ROBO2: variants seen among roughly 807,000 people sequenced by gnomAD.
The protein encoded by ROBO2 is roundabout guidance receptor 2.
Under a neutral mutation model 160.8 loss-of-function variants are expected in ROBO2, and 53 were observed. The ratio of observed to expected loss-of-function variants is 0.33; its 90% CI spans 0.26 to 0.41. The LOEUF (loss-of-function observed/expected upper bound fraction) is 0.41, where lower values mean the gene tolerates loss of function less well. Ranked by LOEUF, ROBO2 falls within the 10% of genes least tolerant of loss-of-function variation. The pLI is 1.00. For missense variants in ROBO2, 1,577 were observed against 1,722.4 expected, an observed-to-expected ratio of 0.92 and a Z score of 1.49; for synonymous variants, 664 against 611.7, an observed-to-expected ratio of 1.09 and a Z score of -1.26.
At chr3:77,166,848 C>G (rs777127897) in intron 2 of ROBO2, among the ~76,000 whole-genome samples, 1 of 152,176 alleles carries the variant, frequency 6.6e-6, no homozygotes, top group Non-Finnish European at 1.5e-5. Flanking sequence ...CGTGAGCCCC[C>G]GCGCCCGGCC....
At chr3:77,284,721 ACT>A (rs2060468345) in intron 2 of ROBO2, among the ~76,000 whole-genome samples, 1 of 152,038 alleles carries the variant, frequency 6.6e-6, no homozygotes, top group African/African-American at 2.4e-5. Context: ...TAATGTAAAC[ACT>A]CTAATCCTCT....
chr3:76,083,610 A>C (rs956847323), intron 2 of ROBO2, among the ~76,000 whole-genome samples: 1 of 152,138 alleles, frequency 6.6e-6, no homozygotes, highest in Non-Finnish European at 1.5e-5. Flanking sequence ...TCAACATCTG[A>C]GTTTAGATTC....
chr3:76,072,789 C>T (rs1361491817), intron 2 of ROBO2, among the ~76,000 whole-genome samples: 1 of 152,092 alleles, frequency 6.6e-6, no homozygotes, highest in Non-Finnish European at 1.5e-5. Flanking sequence ...TGGCCTCAAG[C>T]GATGTTCACG....
intron 2 of ROBO2, among the ~76,000 whole-genome samples, chr3:76,451,136 G>A (rs930013016): frequency 1.4e-4 from 21 of 152,094 alleles, no homozygotes; most frequent in African/African-American, 4.3e-4. Context: ...ATCTGAAGGC[G>A]ACACGTTACT....
At chr3:76,382,422 A>AC (rs767824361) in intron 2 of ROBO2, among the ~76,000 whole-genome samples, 17 of 152,130 alleles carry the variant, frequency 1.1e-4, no homozygotes, top group Non-Finnish European at 1.9e-4. Flanking sequence ...CCCCGTCTCT[A>AC]CTAAAAATAC....
intron 2 of ROBO2, among the ~76,000 whole-genome samples, chr3:77,244,421 C>T (rs62249671): frequency 0.022 from 3,399 of 152,208 alleles, 51 homozygotes; most frequent in Middle Eastern, 0.051. Flanking sequence ...GATAGGAAAA[C>T]GTTTAGCATG....
At chr3:75,991,060 AG>A (rs1429847407) in intron 2 of ROBO2, among the ~76,000 whole-genome samples, 1 of 152,194 alleles carries the variant, frequency 6.6e-6, no homozygotes, top group African/African-American at 2.4e-5. Context: ...CCTGAATTAT[AG>A]TACCTGCTTT....
intron 2 of ROBO2, among the ~76,000 whole-genome samples, chr3:76,564,226 G>A (rs1051115925): frequency 1.3e-5 from 2 of 152,166 alleles, no homozygotes; most frequent in Non-Finnish European, 2.9e-5. Context: ...ATGAATAGAA[G>A]TGTGCTGTCA....
At chr3:76,562,576 T>C (rs1166351357) in intron 2 of ROBO2, among the ~76,000 whole-genome samples, 1 of 152,098 alleles carries the variant, frequency 6.6e-6, no homozygotes, top group African/African-American at 2.4e-5. Context: ...ATTCAAATGC[T>C]CTTCTACTCT....
At chr3:77,013,237 ATAAAT>A (rs2062024290) in intron 2 of ROBO2, among the ~76,000 whole-genome samples, 2 of 152,152 alleles carry the variant, frequency 1.3e-5, no homozygotes, top group Non-Finnish European at 2.9e-5. Flanking sequence ...TAATGATAAG[ATAAAT>A]TAAATTATAG....
intron 5 of ROBO2, among the ~76,000 whole-genome samples, chr3:77,496,749 A>G (rs951650964): frequency 6.6e-6 from 1 of 152,150 alleles, no homozygotes; most frequent in Non-Finnish European, 1.5e-5. Flanking sequence ...TTTCAATTCA[A>G]GTTTAAATTT....
chr3:77,247,675 C>G (rs2089885439), intron 2 of ROBO2, among the ~76,000 whole-genome samples: 1 of 152,162 alleles, frequency 6.6e-6, no homozygotes, highest in East Asian at 1.9e-4. Context: ...ACTAGATTGA[C>G]AATTTTGCAA....
intron 2 of ROBO2, among the ~76,000 whole-genome samples, chr3:76,457,489 G>A (rs1049909719): frequency 6.6e-6 from 1 of 152,168 alleles, no homozygotes; most frequent in African/African-American, 2.4e-5. Context: ...CTCCCTCCCT[G>A]CTGCTTTCAT....
intron 2 of ROBO2, among the ~76,000 whole-genome samples, chr3:75,984,986 A>G (rs1378312788): frequency 6.6e-6 from 1 of 151,494 alleles, no homozygotes; most frequent in East Asian, 1.9e-4. Context: ...AATCCCTATT[A>G]GTATCTGCAT....
At chr3:77,036,827 C>T (rs1296948226), upstream of ROBO2, among the ~76,000 whole-genome samples, 3 of 151,734 alleles carry the variant, frequency 2.0e-5, no homozygotes, top group Non-Finnish European at 4.4e-5. Flanking sequence ...TTGTTCTAAG[C>T]CATTGCTGTT....
At chr3:76,169,976 T>G (rs1259721677) in intron 2 of ROBO2, among the ~76,000 whole-genome samples, 1 of 152,074 alleles carries the variant, frequency 6.6e-6, no homozygotes, top group Non-Finnish European at 1.5e-5. Context: ...GAGATGGGGT[T>G]TTACCATGTT....
chr3:77,517,085 G>T (rs1393338472), intron 5 of ROBO2, among the ~76,000 whole-genome samples: 1 of 151,348 alleles, frequency 6.6e-6, no homozygotes, highest in Admixed American at 6.6e-5. Flanking sequence ...CAAAAGATGT[G>T]GTAAAGATAT....
intron 2 of ROBO2, among the ~76,000 whole-genome samples, chr3:76,963,623 A>G (rs2079830482): frequency 6.6e-6 from 1 of 152,128 alleles, no homozygotes; most frequent in Non-Finnish European, 1.5e-5. Flanking sequence ...TACAGACAGT[A>G]AAGCAGTGAT....
At chr3:76,436,524 C>T (rs1391987191) in intron 2 of ROBO2, among the ~76,000 whole-genome samples, 1 of 152,130 alleles carries the variant, frequency 6.6e-6, no homozygotes, top group Non-Finnish European at 1.5e-5. Flanking sequence ...AGTTTTTCGC[C>T]TCTAGGACAA....
Sources: allele counts gnomAD v4.1 joint callset (sites outside exome capture counted in the v4.1 genomes callset), GRCh38; gene constraint gnomAD v4.1.1; transcripts MANE v1.5; gene names NCBI Gene and HGNC (gene_info 2026-07-23, HGNC 2026-07-21).